IARS1: variants seen among roughly 807,000 people sequenced by gnomAD.
IARS1 encodes isoleucyl-tRNA synthetase 1, also known as isoleucine--tRNA ligase, cytoplasmic.
IARS1 carries 124 observed loss-of-function variants against 168.2 expected under a neutral mutation model. The ratio of observed to expected loss-of-function variants is 0.74; its 90% CI spans 0.64 to 0.86. The LOEUF (loss-of-function observed/expected upper bound fraction) is 0.86, where lower values mean the gene tolerates loss of function less well. Among genes scored for constraint, IARS1 ranks in the 40% least tolerant of loss-of-function variants. The pLI is 0.00. For missense variants in IARS1, 1,452 were observed against 1,515.8 expected, an observed-to-expected ratio of 0.96 and a Z score of 0.70; for synonymous variants, 532 against 529.4, an observed-to-expected ratio of 1.00 and a Z score of -0.07.
At position 92,258,969 on chromosome 9, in the gene IARS1, C is replaced by T. The variant is rs201752630; in HGVS notation, c.1901G>A (p.Arg634Lys). 11 of 1,613,166 alleles carry T rather than the reference C, an allele frequency of 6.8e-6. No individual in the cohort carries two copies. The highest frequency in any genetic ancestry group is 1.6e-4 in the Middle Eastern group (1 of 6,078). Residue 634 changes from arginine (R) to lysine (K), a missense_variant, in exon 19 of 34, where the codon AGA becomes AAA. Coordinates refer to ENST00000443024, the MANE Select transcript of IARS1 (RefSeq NM_002161.6). ...RLYLINSPVV[R>K]AENLRFKEEG... ...TTCTTTAAAGCGGAGGTTTTCTGCT[C>T]TCACCACAGGGGAGTTAATCAGATA...
intron 23 of IARS1, 45 bp from the exon 24 acceptor site, chr9:92,250,334 G>A: frequency 1.6e-6 from 2 of 1,253,254 alleles, no homozygotes; most frequent in Non-Finnish European, 2.3e-6. Context: ...GATTTAAGAG[G>A]AGAAAATTGA....
chr9:92,272,864 C>CAAAAAAAAA (rs869076663), intron 10 of IARS1, among the ~76,000 whole-genome samples: 448 of 56,910 alleles, frequency 7.9e-3, no homozygotes, highest in Non-Finnish European at 0.01. Flanking sequence ...CAAAACAAAA[C>CAAAAAAAAA]AAAAAAAAAA....
rs772842715 is a variant in IARS1, at chr9:92,268,300, C to G, written c.1305G>C (p.Trp435Cys). 11 of 1,608,528 alleles carry G rather than the reference C, an allele frequency of 6.8e-6. No individual in the cohort carries two copies. Among genetic ancestry groups the G allele is most frequent in the Non-Finnish European group, 9.3e-6 (11 of 1,178,596 alleles). Residue 435 changes from tryptophan to cysteine, a missense_variant and splice_region_variant, in exon 14 of 34, where the codon TGG (tryptophan) becomes TGC (cysteine). Coordinates refer to ENST00000443024, the MANE Select transcript of IARS1 (RefSeq NM_002161.6). Reference protein sequence around the residue: ...QLLRNNDLCYWVPELVREKRF... With the variant: ...QLLRNNDLCYCVPELVREKRF... ...GTTTTTCTCGTACCAACTCTGGGAC[C>G]CTGCAATAAACAGATCACATAACCA...
intron 33 of IARS1, among the ~76,000 whole-genome samples, chr9:92,212,614 T>C (rs1013010257): frequency 6.6e-6 from 1 of 152,240 alleles, no homozygotes; most frequent in Admixed American, 6.5e-5. Flanking sequence ...ACAACAGTAC[T>C]TGGTGACCAA....
At chr9:92,211,136 T>C (rs1837677793) in intron 33 of IARS1, among the ~76,000 whole-genome samples, 1 of 152,182 alleles carries the variant, frequency 6.6e-6, no homozygotes, top group African/African-American at 2.4e-5. Context: ...AGGGTAGTGC[T>C]GGCCAGGACA....
chr9:92,243,768 T>C (rs533573393), intron 27 of IARS1, among the ~76,000 whole-genome samples: 2 of 152,324 alleles, frequency 1.3e-5, no homozygotes, highest in East Asian at 3.9e-4. Flanking sequence ...CCCTGTGATC[T>C]TCAGGTTTGT....
At chr9:92,274,403 T>C (rs1181792964) in intron 10 of IARS1, 23 bp downstream of exon 10, 2 of 1,579,140 alleles carry the variant, frequency 1.3e-6, no homozygotes, top group East Asian at 2.2e-5. Flanking sequence ...CTCAAATACA[T>C]TTGCCAGACT....
At chr9:92,290,487 G>T (rs1047860111) in intron 1 of IARS1, among the ~76,000 whole-genome samples, 20 of 151,956 alleles carry the variant, frequency 1.3e-4, no homozygotes, top group African/African-American at 4.6e-4. Context: ...CCTGTTCTGT[G>T]GGCCGTCTTT....
intron 30 of IARS1, among the ~76,000 whole-genome samples, chr9:92,232,039 T>C (rs1159963377): frequency 6.6e-6 from 1 of 152,208 alleles, no homozygotes; most frequent in African/African-American, 2.4e-5. Flanking sequence ...ATCCATTACT[T>C]CACGTTTTTC....
In IARS1 at chr9:92,249,782, T is replaced by C. The variant is rs573844945; in HGVS notation, c.2616+76A>G. ...ATAAAAATAAATTATAGAGTCAATA[T>C]GTACTTTGAGGATTATTCATCAAAA... is the stretch of plus-strand genomic sequence containing the variant. On this transcript the variant is annotated intron_variant, in intron 25 of 33. Coordinates refer to ENST00000443024, the MANE Select transcript of IARS1 (RefSeq NM_002161.6). 2 of 722,698 alleles carry C rather than the reference T, an allele frequency of 2.8e-6. No individual in the cohort carries two copies. Among genetic ancestry groups the C allele is most frequent in the East Asian group, 2.5e-5 (1 of 39,412 alleles). 44.8% of individuals were successfully genotyped at this position (722,698 alleles called of 1,614,324 possible).
chr9:92,229,150 CTCAA>C (rs750688156), intron 30 of IARS1, 24 bp from the exon 31 acceptor site: 1 of 1,601,026 alleles, frequency 6.2e-7, no homozygotes, highest in Non-Finnish European at 8.5e-7. Context: ...AAAATAACAC[CTCAA>C]TCAGACAAAT....
At position 92,240,901 on chromosome 9, in the gene IARS1, A is replaced by G. The variant is rs1423608778; in HGVS notation, c.3238T>C (p.Cys1080Arg). Residue 1080 changes from cysteine to arginine, a missense_variant, in exon 30 of 34, where the codon TGT becomes CGT. Transcript: ENST00000443024. Reference protein sequence around the residue: ...TRGSSLPGPACAYVNLNICAN... With the variant: ...TRGSSLPGPARAYVNLNICAN... ...CAAATGTTAAGATTGACATATGCAC[A>G]AGCAGGACCAGGAAGGGAAGATCCT... 1 of 1,613,550 alleles carries G rather than the reference A, an allele frequency of 6.2e-7. No individual in the cohort carries two copies. The highest frequency in any genetic ancestry group is 1.1e-5 in the South Asian group (1 of 91,062).
chr9:92,229,625 A>T (rs1407436691), intron 30 of IARS1, among the ~76,000 whole-genome samples: 1 of 152,120 alleles, frequency 6.6e-6, no homozygotes, highest in Non-Finnish European at 1.5e-5. Context: ...TCATGTACGG[A>T]TATTTACTTT....
At chr9:92,247,239 GA>G in intron 26 of IARS1, 137 bp downstream of exon 26, 1 of 650,506 alleles carries the variant, frequency 1.5e-6, no homozygotes, top group Non-Finnish European at 2.6e-6. Context: ...GTAAGGAAAG[GA>G]AAGGAAAGGA....
At chr9:92,237,818 C>CAACTCACCTGTATCAT (rs1250731862) in intron 30 of IARS1, among the ~76,000 whole-genome samples, 3 of 152,166 alleles carry the variant, frequency 2.0e-5, no homozygotes, top group African/African-American at 7.2e-5. Context: ...CTTTTACTTT[C>CAACTCACCTGTATCAT]AACTCACCTG....
At position 92,265,079 on chromosome 9, in the gene IARS1, A is replaced by C; in HGVS notation, c.1550T>G (p.Leu517Trp). Residue 517 changes from leucine (L) to tryptophan (W), a missense_variant, in exon 16 of 34, where the codon TTG (leucine) becomes TGG (tryptophan). Transcript: ENST00000443024. ...TIPSRCGKGS[L>W]HRISEVFDCW... ...GTCAAACACTTCAGAGATGCGGTGC[A>C]AGGATCCCTTCCCACAGCGTGAAGG... 1.2e-6 allele frequency: 2 copies of C among 1,614,152 alleles called. No homozygotes were observed. Among genetic ancestry groups the C allele is most frequent in the Non-Finnish European group, 1.7e-6 (2 of 1,180,008 alleles).
intron 31 of IARS1, among the ~76,000 whole-genome samples, chr9:92,223,872 A>G (rs1448473155): frequency 6.6e-6 from 1 of 152,236 alleles, no homozygotes; most frequent in African/African-American, 2.4e-5. Context: ...ACTCAGGAGC[A>G]GATGTGAAAA....
Position 92,217,942 on chromosome 9 carries a change from G to C in IARS1, c.3706+4578C>G, listed in dbSNP as rs542368729. Reference sequence around the variant, plus strand: ...CCTTTTATGAGGCCAGCATCATTCTGATACCAAAGCCAGGCAGAGACACAA... The same window carrying C: ...CCTTTTATGAGGCCAGCATCATTCTCATACCAAAGCCAGGCAGAGACACAA... On this transcript the variant is annotated intron_variant, in intron 33 of 33. Transcript: ENST00000443024. 6.6e-5 allele frequency among the ~76,000 whole-genome samples: 10 copies of C among 152,220 alleles called. No homozygotes were observed. The South Asian group carries it at 2.1e-3, about 32-fold the overall frequency.
chr9:92,220,955 C>T (rs1839579909), intron 33 of IARS1, among the ~76,000 whole-genome samples: 1 of 152,020 alleles, frequency 6.6e-6, no homozygotes, highest in Non-Finnish European at 1.5e-5. Flanking sequence ...CAGAACAAGA[C>T]CAAGTCTCAA....
Sources: gnomAD v4.1 joint callset for allele counts (sites outside exome capture counted in the v4.1 genomes callset) on GRCh38, gnomAD v4.1.1 for gene constraint, MANE v1.5 for transcripts, NCBI Gene and HGNC (gene_info 2026-07-23, HGNC 2026-07-21) for gene names.